Variants in PVT1 observed in about 807,000 individuals in gnomAD.
PVT1 encodes CXCR4/PVT1 fusion.
intron 4 of PVT1, among the ~76,000 whole-genome samples, chr8:127,996,320 A>G (rs531399990): frequency 7.0e-4 from 106 of 151,748 alleles, no homozygotes; most frequent in African/African-American, 2.5e-3. Context: ...TGTGAGTAAT[A>G]ATGACTCTGC....
At chr8:127,876,868 C>G (rs1360990507) in intron 2 of PVT1, among the ~76,000 whole-genome samples, 2 of 152,198 alleles carry the variant, frequency 1.3e-5, no homozygotes, top group African/African-American at 4.8e-5. Flanking sequence ...TACCCAGAAT[C>G]CTTGGGCAAG....
chr8:127,956,926 G>T (rs1816577173), intron 3 of PVT1, among the ~76,000 whole-genome samples: 1 of 152,008 alleles, frequency 6.6e-6, no homozygotes, highest in Non-Finnish European at 1.5e-5. Flanking sequence ...GCCTGTCATA[G>T]GCCTCATTAT....
intron 4 of PVT1, among the ~76,000 whole-genome samples, chr8:128,022,862 ATTTTTTTT>A (rs57327175): frequency 0.16 from 21,207 of 133,962 alleles, 3,454 homozygotes; most frequent in African/African-American, 0.42. Context: ...GCAAGCTGAG[ATTTTTTTT>A]TTTTTTTTTT....
At chr8:128,065,036 A>G (rs2608051) in intron 4 of PVT1, among the ~76,000 whole-genome samples, 85,225 of 151,964 alleles carry the variant, frequency 0.56, 25,065 homozygotes, top group East Asian at 0.76. Flanking sequence ...AGATTTTACT[A>G]TCAGAGAAAC....
chr8:127,993,358 G>C (rs888065920), intron 4 of PVT1, among the ~76,000 whole-genome samples: 1 of 152,240 alleles, frequency 6.6e-6, no homozygotes, highest in African/African-American at 2.4e-5. Flanking sequence ...GAAAACGAAA[G>C]CATTTCTGAG....
intron 3 of PVT1, among the ~76,000 whole-genome samples, chr8:127,955,876 AC>A (rs1379846659): frequency 6.6e-6 from 1 of 152,148 alleles, no homozygotes; most frequent in African/African-American, 2.4e-5. Flanking sequence ...GAACCACCAC[AC>A]CCGGCTGTAA....
chr8:127,991,024 T>C (rs570134793), intron 4 of PVT1, among the ~76,000 whole-genome samples: 1 of 152,364 alleles, frequency 6.6e-6, no homozygotes, highest in South Asian at 2.1e-4. Flanking sequence ...TGCATTCATA[T>C]TACGCATTCA....
chr8:128,020,777 T>C (rs1586484532), intron 4 of PVT1, among the ~76,000 whole-genome samples: 1 of 152,356 alleles, frequency 6.6e-6, no homozygotes, highest in South Asian at 2.1e-4. Flanking sequence ...ATAGTGGCTG[T>C]AGAAAATTAA....
At chr8:127,825,513 C>T (rs1402927113) in intron 2 of PVT1, among the ~76,000 whole-genome samples, 5 of 152,236 alleles carry the variant, frequency 3.3e-5, no homozygotes, top group South Asian at 2.1e-4. Flanking sequence ...CAGTTTGCTG[C>T]GTGGAAAATG....
At chr8:127,949,861 G>A (rs1746426848) in intron 3 of PVT1, among the ~76,000 whole-genome samples, 1 of 152,204 alleles carries the variant, frequency 6.6e-6, no homozygotes, top group Admixed American at 6.5e-5. Context: ...CACCCTGAAT[G>A]GGGGCCAGGC....
chr8:127,820,854 A>C (rs538828036), intron 2 of PVT1, among the ~76,000 whole-genome samples: 2 of 152,222 alleles, frequency 1.3e-5, no homozygotes, highest in African/African-American at 4.8e-5. Flanking sequence ...GATTACAGAC[A>C]TGCACCACCA....
chr8:127,959,568 C>T (rs1463929577), intron 3 of PVT1, among the ~76,000 whole-genome samples: 2 of 135,092 alleles, frequency 1.5e-5, no homozygotes, highest in Non-Finnish European at 3.1e-5. Context: ...CTGGCAACAG[C>T]GCGAGACTCT....
At chr8:127,882,410 A>C (rs1815478537) in intron 2 of PVT1, among the ~76,000 whole-genome samples, 1 of 152,234 alleles carries the variant, frequency 6.6e-6, no homozygotes. Context: ...GAGCACAGCC[A>C]GAGAAATTGC....
intron 2 of PVT1, among the ~76,000 whole-genome samples, chr8:127,822,965 A>C (rs542372899): frequency 2.0e-5 from 3 of 152,370 alleles, no homozygotes; most frequent in Admixed American, 1.3e-4. Flanking sequence ...TGATCAGATC[A>C]TTCTAACTGC....
At chr8:127,991,365 T>C (rs7015695) in intron 4 of PVT1, among the ~76,000 whole-genome samples, 115,193 of 151,754 alleles carry the variant, frequency 0.76, 44,648 homozygotes, top group South Asian at 0.89. Context: ...AGGATAGTCT[T>C]GATCTCCTGA....
chr8:127,886,614 G>T (rs1427399518), intron 2 of PVT1, among the ~76,000 whole-genome samples: 2 of 144,770 alleles, frequency 1.4e-5, no homozygotes, highest in Non-Finnish European at 3.0e-5. Flanking sequence ...CCAATTGATT[G>T]TTTCAGATTT....
chr8:127,919,208 T>C (rs141278500), intron 3 of PVT1, among the ~76,000 whole-genome samples: 1 of 152,334 alleles, frequency 6.6e-6, no homozygotes, highest in Non-Finnish European at 1.5e-5. Flanking sequence ...GCCTCTGCAC[T>C]TTAAGTAGTA....
At chr8:128,020,879 A>G (rs1817425238) in intron 4 of PVT1, among the ~76,000 whole-genome samples, 1 of 152,222 alleles carries the variant, frequency 6.6e-6, no homozygotes, top group Non-Finnish European at 1.5e-5. Flanking sequence ...AAGTCCCAGT[A>G]GTAGCTCACT....
intron 4 of PVT1, among the ~76,000 whole-genome samples, chr8:128,042,598 G>A (rs1204650118): frequency 6.6e-6 from 1 of 152,152 alleles, no homozygotes; most frequent in African/African-American, 2.4e-5. Context: ...AGCCTGGCAG[G>A]AGGAAGGGAC....
Sources: gnomAD v4.1 joint callset for allele counts (sites outside exome capture counted in the v4.1 genomes callset) on GRCh38, gnomAD v4.1.1 for gene constraint, MANE v1.5 for transcripts, NCBI Gene and HGNC (gene_info 2026-07-23, HGNC 2026-07-21) for gene names.